ASTN2: variants seen among roughly 807,000 people sequenced by gnomAD.
ASTN2 encodes astrotactin-2.
A neutral mutation model predicts 139.8 loss-of-function variants in ASTN2; 54 were observed. That is an observed-to-expected ratio of 0.39 (90% CI 0.31 to 0.48). The LOEUF (loss-of-function observed/expected upper bound fraction) is 0.48. ASTN2 is among the 20% of genes least tolerant of loss of function. The probability of loss-of-function intolerance (pLI) is 0.95; values close to 1 mark genes in which losing one functional copy is unlikely to be tolerated. For missense variants in ASTN2, 1,565 were observed against 1,725.1 expected, an observed-to-expected ratio of 0.91 and a Z score of 1.64; for synonymous variants, 756 against 719.5, an observed-to-expected ratio of 1.05 and a Z score of -0.81.
intron 1 of ASTN2, among the ~76,000 whole-genome samples, chr9:117,339,547 A>C (rs927993788): frequency 2.0e-5 from 3 of 152,132 alleles, no homozygotes; most frequent in African/African-American, 7.2e-5. Flanking sequence ...ACAAAGAATA[A>C]AAAGAGAGAA....
chr9:116,727,041 C>CACAT (rs1467874192), intron 15 of ASTN2, among the ~76,000 whole-genome samples: 1 of 149,970 alleles, frequency 6.7e-6, no homozygotes, highest in Non-Finnish European at 1.5e-5. Context: ...CACACACACA[C>CACAT]ACACACACAC....
At position 117,036,172 on chromosome 9, in the gene ASTN2, A is replaced by C. The variant is rs1042734770; in HGVS notation, c.1423+3647T>G. On this transcript the variant is annotated intron_variant, in intron 6 of 22. Coordinates refer to ENST00000313400, the MANE Select transcript of ASTN2 (RefSeq NM_001365068.1). ...TTCTATGTTTCACAGTAACTAAGCAACAAAATTGAGATCCAAACCAAAACT... is the reference window on the plus strand; with the variant it reads ...TTCTATGTTTCACAGTAACTAAGCACCAAAATTGAGATCCAAACCAAAACT... Among the ~76,000 whole-genome samples the C allele has an allele frequency of 4.6e-5, 7 of 152,160 alleles. No homozygotes were observed. The South Asian group carries it at 1.0e-3, about 22-fold the overall frequency.
At chr9:117,316,145 G>T (rs1398100997) in intron 1 of ASTN2, among the ~76,000 whole-genome samples, 1 of 152,168 alleles carries the variant, frequency 6.6e-6, no homozygotes, top group East Asian at 1.9e-4. Context: ...TCGCTCTCCA[G>T]CCCATGCAAT....
intron 1 of ASTN2, among the ~76,000 whole-genome samples, chr9:117,356,725 A>G (rs1392458331): frequency 6.6e-6 from 1 of 152,202 alleles, no homozygotes. Context: ...GGTAAAAAAA[A>G]TACTGGAAAA....
chr9:116,648,805 G>A (rs1194165985), intron 17 of ASTN2, among the ~76,000 whole-genome samples: 5 of 152,064 alleles, frequency 3.3e-5, no homozygotes, highest in African/African-American at 7.2e-5. Flanking sequence ...AGGCTGAGGC[G>A]AGCAGATTGC....
At chr9:116,894,096 T>G (rs1211898671) in intron 10 of ASTN2, among the ~76,000 whole-genome samples, 1 of 152,182 alleles carries the variant, frequency 6.6e-6, no homozygotes, top group Non-Finnish European at 1.5e-5. Flanking sequence ...CTTAGTGTCC[T>G]GCCCTGCACA....
At chr9:116,798,144 G>A (rs553778306) in intron 13 of ASTN2, among the ~76,000 whole-genome samples, 2 of 152,264 alleles carry the variant, frequency 1.3e-5, no homozygotes, top group South Asian at 2.1e-4. Context: ...GGTGGCGCAC[G>A]CCTGTAATCC....
At chr9:116,440,108 C>A (rs917565720) in intron 22 of ASTN2, among the ~76,000 whole-genome samples, 2 of 152,160 alleles carry the variant, frequency 1.3e-5, no homozygotes, top group Non-Finnish European at 2.9e-5. Flanking sequence ...TAGTGACTGG[C>A]ATGCAGGACA....
intron 19 of ASTN2, 56 bp downstream of exon 19, chr9:116,618,268 C>T: frequency 6.5e-7 from 1 of 1,539,406 alleles, no homozygotes; most frequent in Non-Finnish European, 8.8e-7. Context: ...AGTAGAAAAT[C>T]CCAGTTTCCC....
intron 17 of ASTN2, among the ~76,000 whole-genome samples, chr9:116,630,315 T>C (rs1856684104): frequency 1.3e-5 from 2 of 152,172 alleles, no homozygotes; most frequent in African/African-American, 2.4e-5. Flanking sequence ...CACTTTCATC[T>C]CCATAAACAG....
intron 20 of ASTN2, among the ~76,000 whole-genome samples, chr9:116,448,844 G>A (rs1848086650): frequency 6.6e-6 from 1 of 152,194 alleles, no homozygotes; most frequent in African/African-American, 2.4e-5. Context: ...TGGATGTAGA[G>A]AAAATGTGTA....
intron 1 of ASTN2, among the ~76,000 whole-genome samples, chr9:117,335,608 T>C (rs1052729599): frequency 2.6e-5 from 4 of 152,184 alleles, no homozygotes; most frequent in Non-Finnish European, 5.9e-5. Context: ...TTCTTACTTA[T>C]ATTTTGTTAA....
At chr9:116,732,202 T>C (rs1281527575) in intron 14 of ASTN2, among the ~76,000 whole-genome samples, 1 of 152,148 alleles carries the variant, frequency 6.6e-6, no homozygotes, top group Non-Finnish European at 1.5e-5. Flanking sequence ...GACATGACTA[T>C]AGACTAGCCA....
At chr9:116,827,967 C>T (rs1369759072) in intron 11 of ASTN2, among the ~76,000 whole-genome samples, 1 of 152,096 alleles carries the variant, frequency 6.6e-6, no homozygotes, top group African/African-American at 2.4e-5. Flanking sequence ...ACTAATATCC[C>T]TGATGAATAT....
chr9:117,105,138 G>A (rs1213347368), intron 4 of ASTN2, among the ~76,000 whole-genome samples: 1 of 152,040 alleles, frequency 6.6e-6, no homozygotes, highest in East Asian at 1.9e-4. Context: ...CCCATCAAAG[G>A]CAGAGTCTCA....
At chr9:116,842,255 C>T (rs1456328716) in intron 11 of ASTN2, among the ~76,000 whole-genome samples, 1 of 152,060 alleles carries the variant, frequency 6.6e-6, no homozygotes, top group Non-Finnish European at 1.5e-5. Flanking sequence ...GGGAAAGATG[C>T]AAGGAAGGAA....
At chr9:117,248,318 G>A (rs1260651972) in intron 2 of ASTN2, among the ~76,000 whole-genome samples, 1 of 152,204 alleles carries the variant, frequency 6.6e-6, no homozygotes, top group Non-Finnish European at 1.5e-5. Flanking sequence ...AATGTGAGTT[G>A]AGTCAACAGT....
chr9:117,314,732 T>C (rs1409518719), intron 1 of ASTN2, among the ~76,000 whole-genome samples: 3 of 145,716 alleles, frequency 2.1e-5, no homozygotes, highest in East Asian at 3.9e-4. Flanking sequence ...TAATTATATG[T>C]CATATAGTAA....
At chr9:117,172,650 C>G (rs1345052860) in intron 3 of ASTN2, among the ~76,000 whole-genome samples, 1 of 152,088 alleles carries the variant, frequency 6.6e-6, no homozygotes, top group African/African-American at 2.4e-5. Flanking sequence ...GGAATGGTCA[C>G]GTGGCTTGTG....
Sources: allele counts gnomAD v4.1 joint callset (sites outside exome capture counted in the v4.1 genomes callset), GRCh38; gene constraint gnomAD v4.1.1; transcripts MANE v1.5; gene names NCBI Gene and HGNC (gene_info 2026-07-23, HGNC 2026-07-21).